The following GPR158 variants were observed in gnomAD, a reference collection of about 807,000 sequenced individuals.
GPR158 encodes the protein G protein-coupled receptor 158.
A neutral mutation model predicts 78.2 loss-of-function variants in GPR158; 30 were observed. The observed-to-expected ratio is 0.38, with a 90% CI of 0.29 to 0.52. The LOEUF (loss-of-function observed/expected upper bound fraction) is 0.52, where lower values mean the gene tolerates loss of function less well. GPR158 is among the 20% of genes least tolerant of loss of function. The pLI is 0.83. For synonymous variants in GPR158, 581 were observed against 591.1 expected (o/e 0.98, Z 0.25); for missense variants, 1,463 against 1,523.5 (o/e 0.96, Z 0.66).
intron 6 of GPR158, among the ~76,000 whole-genome samples, chr10:25,571,141 C>T (rs1262547674): frequency 6.6e-6 from 1 of 152,030 alleles, no homozygotes; most frequent in Non-Finnish European, 1.5e-5. Flanking sequence ...ACATGGATGG[C>T]ACTTAATATA....
intron 7 of GPR158, among the ~76,000 whole-genome samples, chr10:25,578,466 A>G (rs1028660659): frequency 5.9e-5 from 9 of 152,238 alleles, no homozygotes; most frequent in African/African-American, 2.2e-4. Flanking sequence ...TGGTAAATGT[A>G]CAAGTTCAAA....
intron 2 of GPR158, among the ~76,000 whole-genome samples, chr10:25,225,931 A>AG (rs1221198211): frequency 6.6e-6 from 1 of 152,206 alleles, no homozygotes; most frequent in Non-Finnish European, 1.5e-5. Context: ...CAAAGAAAGC[A>AG]GAAAAACCCT....
chr10:25,260,524 T>A (rs1490154873), intron 2 of GPR158, among the ~76,000 whole-genome samples: 3 of 152,078 alleles, frequency 2.0e-5, no homozygotes, highest in Non-Finnish European at 2.9e-5. Flanking sequence ...TTTTTTAACT[T>A]TTCTTCCAAA....
chr10:25,221,338 G>A (rs980855881), intron 2 of GPR158, among the ~76,000 whole-genome samples, 181 bp downstream of exon 2: 6 of 152,108 alleles, frequency 3.9e-5, no homozygotes, highest in African/African-American at 1.4e-4. Context: ...ATAACTGTTC[G>A]CTTGGGGACT....
At chr10:25,351,208 G>T (rs1855465933) in intron 2 of GPR158, among the ~76,000 whole-genome samples, 2 of 152,000 alleles carry the variant, frequency 1.3e-5, no homozygotes, top group South Asian at 4.2e-4. Context: ...GGATTCTTCA[G>T]ATTCTGTTTC....
At chr10:25,313,357 C>A (rs1435376605) in intron 2 of GPR158, among the ~76,000 whole-genome samples, 2 of 151,512 alleles carry the variant, frequency 1.3e-5, no homozygotes, top group Non-Finnish European at 2.9e-5. Flanking sequence ...ATGTAACAAA[C>A]CTGCACGTTT....
chr10:25,484,173 C>A (rs7909867), intron 5 of GPR158, among the ~76,000 whole-genome samples: 10,082 of 152,262 alleles, frequency 0.066, 960 homozygotes, highest in African/African-American at 0.21. Flanking sequence ...CAATTCTGTT[C>A]TGTTTGCTCT....
At chr10:25,260,570 A>G (rs1277104854) in intron 2 of GPR158, among the ~76,000 whole-genome samples, 3 of 151,502 alleles carry the variant, frequency 2.0e-5, no homozygotes, top group Non-Finnish European at 4.4e-5. Flanking sequence ...GACTTGTATT[A>G]TTCTTTTGGT....
At chr10:25,477,921 T>C (rs1835611258) in intron 5 of GPR158, among the ~76,000 whole-genome samples, 2 of 152,162 alleles carry the variant, frequency 1.3e-5, no homozygotes, top group South Asian at 4.1e-4. Context: ...TTTTCTCTTC[T>C]ATAGTGTAGG....
chr10:25,298,428 C>A (rs1854546446), intron 2 of GPR158, among the ~76,000 whole-genome samples: 1 of 151,946 alleles, frequency 6.6e-6, no homozygotes, highest in Non-Finnish European at 1.5e-5. Context: ...AACAAAGTAC[C>A]TTTTAGAAAA....
intron 4 of GPR158, among the ~76,000 whole-genome samples, chr10:25,421,919 A>G (rs1834756788): frequency 6.6e-6 from 1 of 152,190 alleles, no homozygotes; most frequent in African/African-American, 2.4e-5. Flanking sequence ...ATTTAAGGAA[A>G]TTGTGGGGAC....
At chr10:25,251,406 T>C (rs1853797020) in intron 2 of GPR158, among the ~76,000 whole-genome samples, 2 of 151,938 alleles carry the variant, frequency 1.3e-5, no homozygotes. Flanking sequence ...TTCTTCCTAG[T>C]CTCGATGGTC....
At chr10:25,516,373 A>T (rs913852704) in intron 5 of GPR158, among the ~76,000 whole-genome samples, 1 of 151,726 alleles carries the variant, frequency 6.6e-6, no homozygotes, top group East Asian at 1.9e-4. Flanking sequence ...TCTTTAGTTT[A>T]ATTAGATCCC....
In GPR158 at chr10:25,318,734, A is replaced by T. The variant is rs145025271; in HGVS notation, c.1009-77177A>T. 2.9e-3 allele frequency among the ~76,000 whole-genome samples: 437 copies of T among 152,266 alleles called. 2 individuals carry two copies. Among genetic ancestry groups the T allele is most frequent in the African/African-American group, 0.01 (422 of 41,554 alleles). ...TTGTTCGTATGATCACCATTATTTTAGCTATACTCACTGTATTTTATTAAA... is the reference window on the plus strand; with the variant it reads ...TTGTTCGTATGATCACCATTATTTTTGCTATACTCACTGTATTTTATTAAA... On this transcript the variant is annotated intron_variant, in intron 2 of 10. Coordinates refer to ENST00000376351, the MANE Select transcript of GPR158 (RefSeq NM_020752.3).
chr10:25,485,976 TCTTCA>T (rs1301829699), intron 5 of GPR158, among the ~76,000 whole-genome samples: 2 of 152,150 alleles, frequency 1.3e-5, no homozygotes, highest in African/African-American at 4.8e-5. Context: ...TGAAAGAGAC[TCTTCA>T]CTTTTTCCAC....
intron 2 of GPR158, among the ~76,000 whole-genome samples, chr10:25,324,593 G>A (rs973713846): frequency 3.3e-5 from 5 of 152,120 alleles, no homozygotes; most frequent in African/African-American, 9.7e-5. Flanking sequence ...TTACCAAAAT[G>A]TGACACACAG....
rs762076261 is a variant in GPR158, at chr10:25,175,848, A to G, written c.428A>G (p.Asn143Ser). The change falls in exon 1 of 11, where the codon AAT becomes AGT. Residue 143 changes from asparagine to serine, a missense_variant. Physicochemically the swap from Asn to Ser is conservative, Grantham distance 46. Coordinates refer to ENST00000376351, the MANE Select transcript of GPR158 (RefSeq NM_020752.3). This position sits in a 1 kb window ranked among gnomAD's most constrained non-coding sequence, Gnocchi z 6.4. ...TNFLNVMLQS[N>S]KSREQNLQDD... is the part of the protein sequence containing the mutation. ...TTCCTCAACGTGATGCTGCAGAGCA[A>G]TAAGTCGCGGGAGCAGAACTTGCAG... is the stretch of plus-strand genomic sequence containing the variant. The G allele has an allele frequency of 5.0e-6, 8 of 1,613,750 alleles. No individual in the cohort carries two copies. The highest frequency in any genetic ancestry group is 2.2e-5 in the East Asian group (1 of 44,874).
At chr10:25,238,911 A>G (rs2130703834) in intron 2 of GPR158, among the ~76,000 whole-genome samples, 1 of 152,340 alleles carries the variant, frequency 6.6e-6, no homozygotes, top group South Asian at 2.1e-4. Context: ...TACTGAGGAC[A>G]TGTGATCCTT....
At position 25,517,840 on chromosome 10, in the gene GPR158, G is replaced by T. The variant is rs1244404245; in HGVS notation, c.1405-33136G>T. Among the ~76,000 whole-genome samples, 3 of 148,174 alleles carry T rather than the reference G, an allele frequency of 2.0e-5. No homozygotes were observed. In the East Asian group the frequency reaches 5.9e-4, roughly 29 times the overall value. ...ATATTGGTCTAAAATTCTCTTTTTT[G>T]GTTGTGTCTCTGCCTGGCTTTGGTA... On this transcript the variant is annotated intron_variant, in intron 5 of 10. Transcript: ENST00000376351.
Sources: gnomAD v4.1 joint callset for allele counts (sites outside exome capture counted in the v4.1 genomes callset) on GRCh38, gnomAD v4.1.1 for gene constraint, Gnocchi (gnomAD v3.1) non-coding constraint, MANE v1.5 for transcripts, NCBI Gene and HGNC (gene_info 2026-07-23, HGNC 2026-07-21) for gene names.